Variants in PMS1 observed in about 807,000 individuals in gnomAD.
PMS1 encodes PMS1 protein homolog 1.
A neutral mutation model predicts 93.1 loss-of-function variants in PMS1; 79 were observed. The observed-to-expected ratio is 0.85, with a 90% confidence interval of 0.71 to 1.02. The LOEUF is 1.02. Among genes scored for constraint, PMS1 ranks in the 50% least tolerant of loss-of-function variants. PMS1 has a pLI of 0.00. For synonymous variants in PMS1, 335 were observed against 363.4 expected, an observed-to-expected ratio of 0.92 and a Z score of 0.89; for missense variants, 1,064 against 1,085.3, an observed-to-expected ratio of 0.98 and a Z score of 0.28.
rs2051478311 is a variant in PMS1, at chr2:189,818,024, T to C, written c.426T>C (p.Thr142=). ...TCTCTTGTCTGCCAACAGGTACAAC[T>C]GTAACTGCTTTAAGATTATTTAAGA... ...QKPSHLGQGT[T]VTALRLFKNL... Residue 142 remains threonine (T), a synonymous_variant, in exon 5 of 13, where the codon ACT becomes ACC. Coordinates refer to ENST00000441310, the MANE Select transcript of PMS1 (RefSeq NM_000534.5). 2 of 1,608,650 alleles carry C rather than the reference T, an allele frequency of 1.2e-6. No homozygotes were observed. The highest frequency in any genetic ancestry group is 2.7e-5 in the African/African-American group (2 of 74,938).
chr2:189,826,704 T>TA (rs1218916084), intron 5 of PMS1, among the ~76,000 whole-genome samples: 1 of 152,174 alleles, frequency 6.6e-6, no homozygotes, highest in Non-Finnish European at 1.5e-5. Context: ...GTATTTCTGT[T>TA]ATGTCATTTT....
At chr2:189,834,670 C>T (rs1344534594) in intron 5 of PMS1, among the ~76,000 whole-genome samples, 1 of 152,036 alleles carries the variant, frequency 6.6e-6, no homozygotes, top group Non-Finnish European at 1.5e-5. Flanking sequence ...CAACAATATC[C>T]CTTTGAAAGT....
intron 12 of PMS1, among the ~76,000 whole-genome samples, chr2:189,874,085 T>G (rs2057367413): frequency 6.6e-6 from 1 of 152,082 alleles, no homozygotes; most frequent in Non-Finnish European, 1.5e-5. Context: ...ATTATGTATT[T>G]GCAAGAAGAA....
intron 4 of PMS1, among the ~76,000 whole-genome samples, chr2:189,808,388 C>T (rs938482015): frequency 2.0e-5 from 3 of 152,092 alleles, no homozygotes; most frequent in Admixed American, 1.3e-4. Context: ...AGTGCAGTGG[C>T]GTGATCTCAG....
chr2:189,822,677 C>T (rs190259579), intron 5 of PMS1, among the ~76,000 whole-genome samples: 2 of 152,262 alleles, frequency 1.3e-5, no homozygotes. Context: ...GTGATGAATG[C>T]AGAGGAAAGC....
chr2:189,852,612 G>C (rs781061398), intron 6 of PMS1, 43 bp from the exon 7 acceptor site: 8 of 1,574,306 alleles, frequency 5.1e-6, no homozygotes, highest in Middle Eastern at 3.4e-4. Flanking sequence ...CAGACCCGTG[G>C]AACTACATTG....
chr2:189,803,509 C>T (rs1029815997), intron 3 of PMS1, among the ~76,000 whole-genome samples: 13 of 152,136 alleles, frequency 8.5e-5, no homozygotes, highest in African/African-American at 2.9e-4. Context: ...CACTCTCTGC[C>T]ACCATTCCTC....
At position 189,818,419 on chromosome 2, in the gene PMS1, G is replaced by A. The variant is rs573262941; in HGVS notation, c.582+239G>A. ...CTGCCTTCCTTCTTCTGCCATGTGA[G>A]GAGGCCACTACATAGTCAGAGGCAC... On this transcript the variant is annotated intron_variant, in intron 5 of 12. Transcript: ENST00000441310. 2.6e-5 allele frequency among the ~76,000 whole-genome samples: 4 copies of A among 152,192 alleles called. No homozygotes were observed. In the South Asian group the frequency reaches 8.3e-4, roughly 32 times the overall value.
Position 189,854,774 on chromosome 2 carries a change from G to T in PMS1, c.1502G>T (p.Gly501Val). Residue 501 changes from glycine to valine, a missense_variant, in exon 9 of 13, where the codon GGA becomes GTA. Gly to Val is a moderately radical substitution (Grantham distance 109, BLOSUM62 -3). Coordinates refer to ENST00000441310, the MANE Select transcript of PMS1 (RefSeq NM_000534.5). ...ATTTCTGCAGATGAGTGGAGCAGGG[G>T]AAATATACTTAAAAATTCAGTGGGA... ...SEISADEWSR[G>V]NILKNSVGEN... is the part of the protein sequence containing the mutation. 6.2e-7 allele frequency: 1 copy of T among 1,613,728 alleles called. No homozygotes were observed. Among genetic ancestry groups the T allele is most frequent in the Non-Finnish European group, 8.5e-7 (1 of 1,179,764 alleles).
rs538990800 is a variant in PMS1 at position 189,789,578 on chromosome 2, G to T, written c.-20-2212G>T. Among the ~76,000 whole-genome samples the T allele has an allele frequency of 2.6e-5, 4 of 152,210 alleles. No homozygotes were observed. The East Asian group carries it at 5.8e-4, about 22-fold the overall frequency. On this transcript the variant is annotated intron_variant, in intron 1 of 12. Transcript: ENST00000441310. ...CCAGAAGTGCATTCCTTAAACTCCT[G>T]TGTAATTGTTATAGTGCCTGTACTC...
chr2:189,837,962 G>A (rs2053526571), intron 5 of PMS1, among the ~76,000 whole-genome samples: 2 of 152,276 alleles, frequency 1.3e-5, no homozygotes, highest in South Asian at 2.1e-4. Flanking sequence ...AACATCCTAA[G>A]TGGGCAAATT....
intron 5 of PMS1, among the ~76,000 whole-genome samples, chr2:189,833,897 A>G (rs1221512472): frequency 6.6e-6 from 1 of 152,176 alleles, no homozygotes; most frequent in East Asian, 1.9e-4. Flanking sequence ...GACCACCACA[A>G]TCTTCCTTTC....
At chr2:189,813,345 A>C (rs1042125886) in intron 4 of PMS1, among the ~76,000 whole-genome samples, 1 of 152,214 alleles carries the variant, frequency 6.6e-6, no homozygotes, top group Non-Finnish European at 1.5e-5. Flanking sequence ...GAGGATAGCC[A>C]GGTGGAGTTA....
chr2:189,857,651 T>C (rs2055492304), intron 9 of PMS1: 1 of 348,296 alleles, frequency 2.9e-6, no homozygotes, highest in Non-Finnish European at 5.7e-6. Context: ...AACTAGGAAA[T>C]ATTAAGGGTT....
chr2:189,815,682 A>T (rs369348964), intron 4 of PMS1, among the ~76,000 whole-genome samples: 2 of 152,156 alleles, frequency 1.3e-5, no homozygotes, highest in African/African-American at 4.8e-5. Flanking sequence ...TAATATCTTT[A>T]TAGCAGTGTG....
intron 4 of PMS1, among the ~76,000 whole-genome samples, chr2:189,816,261 A>T (rs913984243): frequency 2.6e-5 from 4 of 152,306 alleles, no homozygotes; most frequent in African/African-American, 9.6e-5. Flanking sequence ...CATCAAATAC[A>T]TTTGGGTGCT....
Position 189,865,014 on chromosome 2 carries a change from G to A in PMS1, c.2342+786G>A, listed in dbSNP as rs184431757. Among the ~76,000 whole-genome samples the A allele has an allele frequency of 1.3e-3, 191 of 151,434 alleles. 1 individual carries two copies. The highest frequency in any genetic ancestry group is 4.3e-3 in the African/African-American group (179 of 41,316). The stretch of plus-strand genomic sequence containing the variant: ...TTACCTTTCTATACAGTATATACAC[G>A]TACATTTTCTTTCCTTCGCAAAATT... On this transcript the variant is annotated intron_variant, in intron 10 of 12. Transcript: ENST00000441310.
At chr2:189,799,793 C>G (rs1489887839) in intron 3 of PMS1, among the ~76,000 whole-genome samples, 1 of 152,200 alleles carries the variant, frequency 6.6e-6, no homozygotes, top group African/African-American at 2.4e-5. Flanking sequence ...CCAAGTCATG[C>G]AGGGCAACCT....
intron 5 of PMS1, among the ~76,000 whole-genome samples, chr2:189,820,762 A>G (rs2051782166): frequency 6.6e-6 from 1 of 152,150 alleles, no homozygotes; most frequent in Non-Finnish European, 1.5e-5. Flanking sequence ...ATTGTTTTAT[A>G]TTTTACAGTA....
Sources: gnomAD v4.1 joint callset for allele counts (sites outside exome capture counted in the v4.1 genomes callset) on GRCh38, gnomAD v4.1.1 for gene constraint, MANE v1.5 for transcripts, NCBI Gene and HGNC (gene_info 2026-07-23, HGNC 2026-07-21) for gene names.